CWC27: variants seen among roughly 807,000 people sequenced by gnomAD.
CWC27 encodes the protein spliceosome-associated protein CWC27 homolog.
Under a neutral mutation model 63.6 loss-of-function variants are expected in CWC27, and 47 were observed. That is an observed-to-expected ratio of 0.74 (90% CI 0.58 to 0.94). The LOEUF (loss-of-function observed/expected upper bound fraction) is 0.94, where lower values mean the gene tolerates loss of function less well. Among genes scored for constraint, CWC27 ranks in the 40% least tolerant of loss-of-function variants. The pLI, the probability that CWC27 is intolerant of heterozygous loss-of-function variation, is 0.00. For synonymous variants in CWC27, 175 were observed against 179.8 expected (o/e 0.97, Z 0.22); for missense variants, 495 against 554.3 (o/e 0.89, Z 1.07).
intron 10 of CWC27, among the ~76,000 whole-genome samples, chr5:64,806,924 A>G (rs901778319): frequency 6.6e-6 from 1 of 152,240 alleles, no homozygotes; most frequent in African/African-American, 2.4e-5. Context: ...ATGGTTAAAA[A>G]ATAAAACAAC....
At chr5:64,934,357 G>A (rs1419274595) in intron 11 of CWC27, among the ~76,000 whole-genome samples, 1 of 152,096 alleles carries the variant, frequency 6.6e-6, no homozygotes, top group East Asian at 1.9e-4. Flanking sequence ...GTGGTGTTTG[G>A]TTTTCTGTTC....
At chr5:65,002,908 T>C (rs1045480809) in intron 13 of CWC27, among the ~76,000 whole-genome samples, 3 of 152,216 alleles carry the variant, frequency 2.0e-5, no homozygotes, top group African/African-American at 7.2e-5. Flanking sequence ...ACTATTATTT[T>C]ACTGGAGTCT....
chr5:64,789,162 T>C (rs1165806229), intron 7 of CWC27, 142 bp downstream of exon 7: 3 of 460,420 alleles, frequency 6.5e-6, no homozygotes, highest in African/African-American at 2.0e-5. Context: ...ATTTGTAAAT[T>C]GATTTGTGGT....
chr5:64,774,777 T>C lies in CWC27; in HGVS notation c.129T>C (p.Leu43=), dbSNP rs1260666125. 1 of 1,458,746 alleles carries C rather than the reference T, an allele frequency of 6.9e-7. No homozygotes were observed. Among genetic ancestry groups the C allele is most frequent in the African/African-American group, 1.6e-5 (1 of 62,552 alleles). The allele number at this position is 1,458,746 out of a possible 1,614,324, so 90.4% of individuals were successfully genotyped here. ...AAGCTTGCAGAAATTTTATCCAACT[T>C]TGTTTGGAAGGTATGTTGACTTTTA... The part of the protein sequence containing the change: ...APKACRNFIQ[L]CLEAYYDNTI... The change falls in exon 2 of 14, where the codon CTT becomes CTC. Residue 43 remains leucine (L), a synonymous_variant. Transcript: ENST00000381070.
chr5:64,920,805 T>A (rs1747981583), intron 11 of CWC27, among the ~76,000 whole-genome samples: 1 of 152,194 alleles, frequency 6.6e-6, no homozygotes, highest in Non-Finnish European at 1.5e-5. Context: ...TAATGTCATT[T>A]TTGTCATATA....
intron 10 of CWC27, 138 bp downstream of exon 10, chr5:64,804,524 G>A: frequency 2.2e-6 from 2 of 904,220 alleles, no homozygotes; most frequent in East Asian, 2.8e-5. Context: ...TGTACAAATT[G>A]GCCCATTAGC....
chr5:64,995,033 G>T, intron 13 of CWC27, among the ~76,000 whole-genome samples: 1 of 140,366 alleles, frequency 7.1e-6, no homozygotes. Context: ...TTTTGAGACA[G>T]AGTCTCACTC....
chr5:64,782,476 A>AAATAAATC (rs1378971114), intron 3 of CWC27, among the ~76,000 whole-genome samples: 1 of 151,442 alleles, frequency 6.6e-6, no homozygotes, highest in African/African-American at 2.4e-5. Flanking sequence ...ATAAATAAAT[A>AAATAAATC]AATAAATTGT....
Position 64,892,364 on chromosome 5 carries a change from TA to T in CWC27, c.1042+6828del, listed in dbSNP as rs536076321. Among the ~76,000 whole-genome samples, 943 of 148,698 alleles carry T rather than the reference TA, an allele frequency of 6.3e-3. 22 individuals are homozygous for T. The highest frequency in any genetic ancestry group is 0.04 in the Admixed American group (598 of 14,894). ...TGGGGGTCATTACTGTCTCTTTATTTAAAAAAAAAAGCTGTATTTCTTACAT... is the reference window on the plus strand; with the variant it reads ...TGGGGGTCATTACTGTCTCTTTATTTAAAAAAAAAGCTGTATTTCTTACAT... On this transcript the variant is annotated intron_variant, in intron 11 of 13. Coordinates refer to ENST00000381070, the MANE Select transcript of CWC27 (RefSeq NM_005869.4).
At chr5:64,849,015 G>C (rs774971440) in intron 10 of CWC27, among the ~76,000 whole-genome samples, 1 of 152,046 alleles carries the variant, frequency 6.6e-6, no homozygotes, top group African/African-American at 2.4e-5. Context: ...AGAAATAAAA[G>C]GCACACAAAT....
intron 12 of CWC27, chr5:64,972,622 G>C: frequency 2.2e-6 from 1 of 445,004 alleles, no homozygotes. Flanking sequence ...GCCCAAACCT[G>C]TCTGGATAAT....
intron 11 of CWC27, among the ~76,000 whole-genome samples, chr5:64,891,703 C>T (rs1580707344): frequency 6.6e-6 from 1 of 152,068 alleles, no homozygotes; most frequent in Admixed American, 6.6e-5. Context: ...AAATTCTAAC[C>T]AATTCACATA....
chr5:64,885,238 G>C (rs190894411), intron 10 of CWC27, among the ~76,000 whole-genome samples: 2 of 151,860 alleles, frequency 1.3e-5, no homozygotes, highest in African/African-American at 4.8e-5. Context: ...ATAGTAATTC[G>C]TATTGTTATT....
chr5:64,910,162 A>G (rs1747753926), intron 11 of CWC27, among the ~76,000 whole-genome samples: 1 of 152,070 alleles, frequency 6.6e-6, no homozygotes, highest in South Asian at 2.1e-4. Flanking sequence ...TCTGTTTGTT[A>G]GTTTTCCTTC....
At chr5:64,933,748 C>A (rs999952570) in intron 11 of CWC27, among the ~76,000 whole-genome samples, 2 of 152,186 alleles carry the variant, frequency 1.3e-5, no homozygotes, top group Non-Finnish European at 2.9e-5. Context: ...ACCTCTGCCT[C>A]CCAAAGTGCT....
chr5:64,993,483 C>G (rs760160469), intron 13 of CWC27, among the ~76,000 whole-genome samples: 6 of 150,562 alleles, frequency 4.0e-5, no homozygotes, highest in Non-Finnish European at 7.4e-5. Context: ...AAAGTGTAGC[C>G]CTGTTTAAAA....
At chr5:65,008,511 C>T (rs1298660805) in intron 13 of CWC27, among the ~76,000 whole-genome samples, 1 of 152,098 alleles carries the variant, frequency 6.6e-6, no homozygotes, top group Non-Finnish European at 1.5e-5. Flanking sequence ...ATCCGACCCA[C>T]TATACTAAAA....
intron 10 of CWC27, among the ~76,000 whole-genome samples, chr5:64,810,108 C>A (rs1180851826): frequency 1.3e-5 from 2 of 152,038 alleles, no homozygotes; most frequent in Non-Finnish European, 2.9e-5. Flanking sequence ...TTTCACTCTT[C>A]TGCAGGTGAA....
At chr5:64,844,934 G>C (rs1460612484) in intron 10 of CWC27, 3 of 456,562 alleles carry the variant, frequency 6.6e-6, no homozygotes, top group Non-Finnish European at 1.3e-5. Context: ...AAATTACTCT[G>C]CCTAACCTTG....
Sources: allele counts gnomAD v4.1 joint callset (sites outside exome capture counted in the v4.1 genomes callset), GRCh38; gene constraint gnomAD v4.1.1; transcripts MANE v1.5; gene names NCBI Gene and HGNC (gene_info 2026-07-23, HGNC 2026-07-21).